CFAP70: variants seen among roughly 807,000 people sequenced by gnomAD.
The protein encoded by CFAP70 is cilia- and flagella-associated protein 70.
A neutral mutation model predicts 137.6 loss-of-function variants in CFAP70; 81 were observed. That is an observed-to-expected ratio of 0.59 (90% CI 0.49 to 0.71). The LOEUF is 0.71. Among genes scored for constraint, CFAP70 ranks in the 30% least tolerant of loss-of-function variants. CFAP70 has a pLI of 0.00. For synonymous variants in CFAP70, 382 were observed against 423.6 expected (o/e 0.90, Z 1.20); for missense variants, 976 against 1,226.7 (o/e 0.80, Z 3.05).
chr10:73,356,951 G>A (rs768264686), intron 1 of CFAP70, among the ~76,000 whole-genome samples: 1 of 152,134 alleles, frequency 6.6e-6, no homozygotes, highest in Non-Finnish European at 1.5e-5. Context: ...GGATACAAGA[G>A]ATAAGATGTG....
chr10:73,288,128 C>A (rs1210516051), intron 19 of CFAP70, among the ~76,000 whole-genome samples: 1 of 152,030 alleles, frequency 6.6e-6, no homozygotes, highest in African/African-American at 2.4e-5. Flanking sequence ...AACCCCTGAC[C>A]TCAGGTGATC....
intron 25 of CFAP70, among the ~76,000 whole-genome samples, chr10:73,265,742 C>A (rs80256717): frequency 0.013 from 2,005 of 152,304 alleles, 20 homozygotes; most frequent in Non-Finnish European, 0.023. Context: ...CAGTCTATTT[C>A]TGTCTGCCAA....
chr10:73,312,644 C>A lies in CFAP70; in HGVS notation c.913-1G>T. 1 of 1,537,082 alleles carries A rather than the reference C, an allele frequency of 6.5e-7. No individual in the cohort carries two copies. The highest frequency in any genetic ancestry group is 1.3e-5 in the South Asian group (1 of 78,400). On this transcript the variant is annotated splice_acceptor_variant, in intron 9 of 26. Transcript: ENST00000310715. LOFTEE classifies it high-confidence loss of function. ...GGAACAAGCTCAATAAACATTTGGT[C>A]TGAAAAACAAAAAAACAAACAAAAA...
chr10:73,299,750 GTGTC>G, intron 12 of CFAP70, 85 bp from the exon 14 acceptor site: 1 of 1,074,146 alleles, frequency 9.3e-7, no homozygotes, highest in Non-Finnish European at 1.3e-6. Flanking sequence ...TATCCTCAAA[GTGTC>G]TGGGTGGGGG....
intron 18 of CFAP70, 88 bp from the exon 20 acceptor site, chr10:73,291,532 T>G: frequency 4.7e-6 from 7 of 1,504,422 alleles, no homozygotes; most frequent in Non-Finnish European, 6.4e-6. Flanking sequence ...TTTCCCATAT[T>G]TTACCAAAGT....
exon 25 of CFAP70, chr10:73,269,627 A>G: frequency 6.2e-7 from 1 of 1,612,770 alleles, no homozygotes; most frequent in Non-Finnish European, 8.5e-7. Flanking sequence ...CAGGCAGACC[A>G]GAGCCAGATA....
intron 7 of CFAP70, among the ~76,000 whole-genome samples, chr10:73,333,980 A>T (rs558603457): frequency 2.6e-5 from 4 of 152,350 alleles, no homozygotes; most frequent in African/African-American, 7.2e-5. Flanking sequence ...ATACACCATG[A>T]CCAAGTGGGT....
At chr10:73,293,385 T>G in exon 16 of CFAP70, 1 of 1,592,260 alleles carries the variant, frequency 6.3e-7, no homozygotes, top group Non-Finnish European at 8.5e-7. Flanking sequence ...TCATCTGGCA[T>G]GGTCTTGTCA....
chr10:73,279,826 C>A (rs1176801062), intron 19 of CFAP70, among the ~76,000 whole-genome samples: 1 of 151,766 alleles, frequency 6.6e-6, no homozygotes, highest in African/African-American at 2.4e-5. Context: ...CCACTGCACT[C>A]TGGCCTGGGT....
intron 8 of CFAP70, among the ~76,000 whole-genome samples, chr10:73,325,186 A>G (rs1440715316): frequency 3.9e-5 from 6 of 152,226 alleles, no homozygotes; most frequent in African/African-American, 1.4e-4. Context: ...AATATTCAAC[A>G]TTCTTAAAGA....
chr10:73,254,042 T>A (rs371914735), exon 27 of CFAP70: 1 of 1,594,502 alleles, frequency 6.3e-7, no homozygotes, highest in Non-Finnish European at 8.6e-7. Flanking sequence ...CAGAGCCTCA[T>A]CTTTCAATTT....
intron 8 of CFAP70, among the ~76,000 whole-genome samples, chr10:73,324,657 G>A (rs1399685147): frequency 6.6e-6 from 1 of 152,206 alleles, no homozygotes; most frequent in Non-Finnish European, 1.5e-5. Context: ...TGATGGAGCT[G>A]AAAGCCAAGG....
intron 19 of CFAP70, among the ~76,000 whole-genome samples, chr10:73,278,874 G>C (rs1034492625): frequency 6.6e-6 from 1 of 151,680 alleles, no homozygotes; most frequent in Non-Finnish European, 1.5e-5. Flanking sequence ...CCAGCTACTC[G>C]GGAGGCTGAG....
At chr10:73,362,631 T>C (rs2055057190), upstream of CFAP70, among the ~76,000 whole-genome samples, 2 of 152,212 alleles carry the variant, frequency 1.3e-5, no homozygotes, top group Admixed American at 6.5e-5. Context: ...TTTTGTATCC[T>C]GCAACTTTAC....
At position 73,299,506 on chromosome 10, in the gene CFAP70, C is replaced by T. The variant is rs1445969250; in HGVS notation, c.1317+99G>A. On this transcript the variant is annotated intron_variant, in intron 13 of 26. Transcript: ENST00000310715. ...ATACGTAAAGCTTCAAACAAGTTTT[C>T]ACCCCTTCTGGAAGACATATTAAAG... The T allele has an allele frequency of 9.1e-6, 9 of 985,830 alleles. No individual in the cohort carries two copies. The East Asian group carries it at 2.2e-4, about 24-fold the overall frequency. 61.1% of individuals were successfully genotyped at this position (985,830 alleles called of 1,614,324 possible).
chr10:73,362,892 AG>A (rs962819203), upstream of CFAP70, among the ~76,000 whole-genome samples: 2 of 151,028 alleles, frequency 1.3e-5, no homozygotes, highest in Admixed American at 6.6e-5. Flanking sequence ...TCAGTATGTT[AG>A]CTGTGTGTCT....
intron 9 of CFAP70, among the ~76,000 whole-genome samples, chr10:73,313,676 C>G (rs1399053927): frequency 6.6e-6 from 1 of 151,934 alleles, no homozygotes; most frequent in Admixed American, 6.6e-5. Context: ...AACCCTGTCT[C>G]TACTAAAAAT....
At chr10:73,294,268 C>T (rs2048377886) in intron 15 of CFAP70, 1 of 152,310 alleles carries the variant, frequency 6.6e-6, no homozygotes, top group Non-Finnish European at 1.5e-5. Flanking sequence ...TTGTCTTCCA[C>T]CTTTTTGTTA....
exon 8 of CFAP70, chr10:73,331,209 T>C: frequency 6.2e-7 from 1 of 1,613,436 alleles, no homozygotes; most frequent in East Asian, 2.2e-5. Flanking sequence ...CCTTTGGGTA[T>C]AGTGACCAGA....
Sources: gnomAD v4.1 joint callset for allele counts (sites outside exome capture counted in the v4.1 genomes callset) on GRCh38, gnomAD v4.1.1 for gene constraint, MANE v1.5 for transcripts, NCBI Gene and HGNC (gene_info 2026-07-23, HGNC 2026-07-21) for gene names.